DNAJC7: variants seen among roughly 807,000 people sequenced by gnomAD.
DNAJC7 encodes DnaJ heat shock protein family (Hsp40) member C7, also known as dnaJ homolog subfamily C member 7.
DNAJC7 carries 18 observed loss-of-function variants against 67.4 expected under a neutral mutation model. The ratio of observed to expected loss-of-function variants is 0.27; its 90% CI spans 0.18 to 0.40. The LOEUF is 0.40. DNAJC7 is among the 10% of genes least tolerant of loss of function. The pLI, the probability that DNAJC7 is intolerant of heterozygous loss-of-function variation, is 1.00. For missense variants in DNAJC7, 419 were observed against 613.8 expected, an observed-to-expected ratio of 0.68 and a Z score of 3.35; for synonymous variants, 220 against 207.8, an observed-to-expected ratio of 1.06 and a Z score of -0.50.
chr17:42,004,369 A>T (rs183276514), intron 1 of DNAJC7, among the ~76,000 whole-genome samples: 1 of 152,174 alleles, frequency 6.6e-6, no homozygotes, highest in Admixed American at 6.5e-5. Flanking sequence ...CCTAAGTCCT[A>T]GAAGTTTATG....
At chr17:41,978,958 T>C (rs2051168336) in intron 12 of DNAJC7, among the ~76,000 whole-genome samples, 1 of 152,228 alleles carries the variant, frequency 6.6e-6, no homozygotes, top group African/African-American at 2.4e-5. Flanking sequence ...ACATGTTTAT[T>C]GTGGTGAACC....
rs57155070 is a variant in DNAJC7 at position 42,006,796 on chromosome 17, CAAA to C, written c.78-6229_78-6227del. Among the ~76,000 whole-genome samples, 6 of 23,334 alleles carry C rather than the reference CAAA, an allele frequency of 2.6e-4. 1 individual carries two copies. The highest frequency in any genetic ancestry group is 4.2e-4 in the African/African-American group (2 of 4,794). 15.3% of individuals were successfully genotyped at this position (23,334 alleles called of 152,430 possible). On this transcript the variant is annotated intron_variant, in intron 1 of 13. Coordinates refer to ENST00000457167, the MANE Select transcript of DNAJC7 (RefSeq NM_003315.4). ...TGGGCAACAGAGCAAGACTCCGTCT[CAAA>C]AAAAAAAAAAAAAAAAAAAGTCCAG...
intron 5 of DNAJC7, among the ~76,000 whole-genome samples, chr17:41,994,043 CA>C (rs1159653783): frequency 2.6e-3 from 263 of 100,414 alleles, no homozygotes; most frequent in Non-Finnish European, 2.7e-3. Flanking sequence ...AACTCTCTCT[CA>C]AAAAAAAAAA....
intron 2 of DNAJC7, 115 bp from the exon 3 acceptor site, chr17:41,997,354 C>T (rs2051689690): frequency 1.5e-6 from 2 of 1,354,198 alleles, no homozygotes; most frequent in Non-Finnish European, 2.0e-6. Context: ...TTTGGGAGGC[C>T]AAGAGGGGAG....
chr17:41,996,448 A>G, intron 3 of DNAJC7, 24 bp from the exon 4 acceptor site: 1 of 1,597,802 alleles, frequency 6.3e-7, no homozygotes, highest in South Asian at 1.1e-5. Context: ...AAGAGGGAAG[A>G]AAAGAAGCAT....
intron 12 of DNAJC7, 164 bp from the exon 13 acceptor site, chr17:41,977,487 T>TC: frequency 1.7e-6 from 1 of 601,186 alleles, no homozygotes; most frequent in Admixed American, 2.9e-5. Context: ...ACCTGCCCCA[T>TC]CCCGTGCAAA....
intron 12 of DNAJC7, chr17:41,977,615 G>A (rs2051126331): frequency 3.5e-6 from 1 of 289,112 alleles, no homozygotes; most frequent in Non-Finnish European, 6.5e-6. Context: ...CAAATGGAAT[G>A]CCATTTGCAC....
At chr17:41,995,116 A>G in intron 4 of DNAJC7, 172 bp from the exon 5 acceptor site, 1 of 675,856 alleles carries the variant, frequency 1.5e-6, no homozygotes, top group Non-Finnish European at 2.7e-6. Flanking sequence ...CATTTTTATG[A>G]TCCAGTTCTA....
chr17:42,000,619 C>T, intron 1 of DNAJC7, 49 bp from the exon 2 acceptor site: 5 of 1,408,538 alleles, frequency 3.5e-6, no homozygotes, highest in Non-Finnish European at 4.9e-6. Context: ...AAGGGAATAA[C>T]CTCTGTAATC....
chr17:41,984,499 G>C (rs1247341986), intron 9 of DNAJC7: 3 of 152,226 alleles, frequency 2.0e-5, no homozygotes, highest in Non-Finnish European at 4.4e-5. Context: ...AGTAGAGACA[G>C]GGTTTCACCG....
chr17:42,010,074 G>C (rs920283041), intron 1 of DNAJC7, among the ~76,000 whole-genome samples: 2 of 152,142 alleles, frequency 1.3e-5, no homozygotes, highest in Non-Finnish European at 2.9e-5. Context: ...CCCAGGAAGC[G>C]GAGATTGCAG....
At chr17:42,017,062 G>A (rs1555652030) in intron 1 of DNAJC7, 2 of 1,370,430 alleles carry the variant, frequency 1.5e-6, no homozygotes, top group East Asian at 3.0e-5. Context: ...CTCTGAAATT[G>A]CCCTCGGAGA....
chr17:42,001,252 A>G (rs2051799561), intron 1 of DNAJC7, among the ~76,000 whole-genome samples: 1 of 152,128 alleles, frequency 6.6e-6, no homozygotes, highest in Non-Finnish European at 1.5e-5. Context: ...CCCTCTTCCC[A>G]TCACAACAAT....
intron 1 of DNAJC7, chr17:42,016,161 A>AG (rs1378128778): frequency 1.3e-5 from 2 of 152,238 alleles, no homozygotes; most frequent in African/African-American, 4.8e-5. Context: ...CTCAGCTCCC[A>AG]GCAGATCAGG....
intron 1 of DNAJC7, 118 bp downstream of exon 1, chr17:42,017,222 G>A: frequency 6.3e-7 from 1 of 1,597,466 alleles, no homozygotes; most frequent in Non-Finnish European, 8.5e-7. Flanking sequence ...AGATGGGGGG[G>A]TGTTTGCGGA....
rs2051085721 is a variant in DNAJC7, at chr17:41,976,581, C to T, written c.*152G>A. On this transcript the variant is annotated 3_prime_UTR_variant, in exon 14 of 14. Transcript: ENST00000457167. ...TTCGGCATTGGTTCCCTTTGCTCCA[C>T]CCCACTCACAGAGACACAGGGCATC... 2 of 974,666 alleles carry T rather than the reference C, an allele frequency of 2.1e-6. No homozygotes were observed. Among genetic ancestry groups the T allele is most frequent in the Admixed American group, 3.1e-5 (1 of 32,384 alleles). 60.4% of individuals were successfully genotyped at this position (974,666 alleles called of 1,614,324 possible). A position where few individuals can be genotyped will look rare whatever the true frequency, so the allele number is the denominator to read the frequency against.
chr17:41,990,648 T>C (rs1555647647), intron 5 of DNAJC7, among the ~76,000 whole-genome samples: 1 of 151,600 alleles, frequency 6.6e-6, no homozygotes, highest in Non-Finnish European at 1.5e-5. Context: ...AAGAATTTTA[T>C]GAAATAGGCA....
intron 1 of DNAJC7, chr17:42,014,190 T>TG (rs2052199220): frequency 6.7e-6 from 1 of 148,938 alleles, no homozygotes; most frequent in Non-Finnish European, 1.5e-5. Flanking sequence ...TTTTTTGAAA[T>TG]GGAGTCTCAC....
intron 11 of DNAJC7, 102 bp from the exon 12 acceptor site, chr17:41,982,109 T>C: frequency 1.9e-6 from 3 of 1,554,518 alleles, no homozygotes. Flanking sequence ...AATTTGGCAC[T>C]TCCCAAAATT....
Sources: allele counts gnomAD v4.1 joint callset (sites outside exome capture counted in the v4.1 genomes callset), GRCh38; gene constraint gnomAD v4.1.1; transcripts MANE v1.5; gene names NCBI Gene and HGNC (gene_info 2026-07-23, HGNC 2026-07-21).